HEPACAM: variants seen among roughly 807,000 people sequenced by gnomAD.
HEPACAM encodes hepatocyte cell adhesion molecule.
In HEPACAM, 18 loss-of-function variants were observed where a neutral mutation model predicts 38.3. That is an observed-to-expected ratio of 0.47 (90% CI 0.33 to 0.70). HEPACAM has a LOEUF of 0.70. Among genes scored for constraint, HEPACAM ranks in the 30% least tolerant of loss-of-function variants. The pLI is 0.03. For synonymous variants in HEPACAM, 216 were observed against 243.1 expected, an observed-to-expected ratio of 0.89 and a Z score of 1.04; for missense variants, 466 against 563.0, an observed-to-expected ratio of 0.83 and a Z score of 1.74.
intron 1 of HEPACAM, 47 bp from the exon 2 acceptor site, chr11:124,925,116 C>T (rs2135400358): frequency 6.9e-7 from 1 of 1,451,998 alleles, no homozygotes; most frequent in Non-Finnish European, 9.3e-7. Flanking sequence ...AGGCCCTGGG[C>T]TCCTTAGCCC....
intron 1 of HEPACAM, 36 bp from the exon 2 acceptor site, chr11:124,925,105 C>T (rs1489384958): frequency 1.3e-6 from 2 of 1,526,086 alleles, no homozygotes; most frequent in Non-Finnish European, 8.9e-7. Context: ...AGGGAAGCAT[C>T]AGGCCCTGGG....
In HEPACAM at chr11:124,924,046, G is replaced by A. The variant is rs1181467734; in HGVS notation, c.428-36C>T. The A allele has an allele frequency of 1.3e-6, 2 of 1,580,736 alleles. No homozygotes were observed. Among genetic ancestry groups the A allele is most frequent in the Non-Finnish European group, 1.7e-6 (2 of 1,168,034 alleles). ...GGAATGGGGGAGCCTGTAAGTCATT[G>A]GCTAAGAAGTGTCTCCCTTCCCCTT... On this transcript the variant is annotated intron_variant, in intron 2 of 6. Coordinates refer to ENST00000298251, the MANE Select transcript of HEPACAM (RefSeq NM_152722.5). This position sits in a 1 kb window ranked among gnomAD's most constrained non-coding sequence, Gnocchi z 4.4.
chr11:124,920,134 G>A lies in HEPACAM; in HGVS notation c.*1004C>T. 1 of 1,174,548 alleles carries A rather than the reference G, an allele frequency of 8.5e-7. No homozygotes were observed. The allele number at this position is 1,174,548 out of a possible 1,614,324, so 72.8% of individuals were successfully genotyped here. A position where few individuals can be genotyped will look rare whatever the true frequency, so the allele number is the denominator to read the frequency against. ...CCCCCCAAATGCTGGGAAGCAATAA[G>A]CCTCCTCCTCCCCCCACCATTTCTC... On this transcript the variant is annotated 3_prime_UTR_variant, in exon 7 of 7. Coordinates refer to ENST00000298251, the MANE Select transcript of HEPACAM (RefSeq NM_152722.5).
intron 1 of HEPACAM, among the ~76,000 whole-genome samples, chr11:124,925,553 A>G (rs868649132): frequency 3.3e-5 from 5 of 152,176 alleles, no homozygotes; most frequent in Middle Eastern, 3.2e-3. Flanking sequence ...GGAGATGGAG[A>G]AAGCATGGAA....
At chr11:124,922,867 A>G (rs1289896609) in intron 4 of HEPACAM, 49 bp from the exon 5 acceptor site, 1 of 1,591,104 alleles carries the variant, frequency 6.3e-7, no homozygotes, top group Non-Finnish European at 8.6e-7. Flanking sequence ...GAATGTGAGT[A>G]GAAGATCCAG....
rs768046807 is a variant in HEPACAM at position 124,921,192 on chromosome 11, G to C, written c.1197C>G (p.Gly399=). 11 of 1,519,840 alleles carry C rather than the reference G, an allele frequency of 7.2e-6. No individual in the cohort carries two copies. The African/African-American group carries it at 1.6e-4, about 22-fold the overall frequency. 94.1% of individuals were successfully genotyped at this position (1,519,840 alleles called of 1,614,324 possible). A position where few individuals can be genotyped will look rare whatever the true frequency, so the allele number is the denominator to read the frequency against. ...RSASRTLRTA[G]VHIIREQDEA... is the part of the protein sequence containing the mutation. Reference sequence around the variant, plus strand: ...CGTCTTGCTCGCGGATTATGTGCACGCCCGCAGTCCGCAGTGTGCGCGAGG... The same window carrying C: ...CGTCTTGCTCGCGGATTATGTGCACCCCCGCAGTCCGCAGTGTGCGCGAGG... The change falls in exon 7 of 7, where the codon GGC becomes GGG. Residue 399 remains glycine, a synonymous_variant. Transcript: ENST00000298251. The surrounding 1 kb of genome is among the most constrained non-coding windows in gnomAD (Gnocchi z 4.6).
rs936776766 is a variant in HEPACAM at position 124,920,283 on chromosome 11, C to T, written c.*855G>A. 2.0e-5 allele frequency: 21 copies of T among 1,066,498 alleles called. No homozygotes were observed. The highest frequency in any genetic ancestry group is 2.6e-5 in the Non-Finnish European group (19 of 738,306). The allele number at this position is 1,066,498 out of a possible 1,614,324, so 66.1% of individuals were successfully genotyped here. On this transcript the variant is annotated 3_prime_UTR_variant, in exon 7 of 7. Coordinates refer to ENST00000298251, the MANE Select transcript of HEPACAM (RefSeq NM_152722.5). ...AATATATGAGTTTGATGAGCTAAAA[C>T]AGTTCCTCATTTGGTCTAGTTTTCG...
chr11:124,920,497 C>G lies in HEPACAM; in HGVS notation c.*641G>C, dbSNP rs1410827481. ...CCAGGTCAGAGGGAAAAGGAATGTA[C>G]TCGTACCCTTCCCTCACCACCTTGT... On this transcript the variant is annotated 3_prime_UTR_variant, in exon 7 of 7. Coordinates refer to ENST00000298251, the MANE Select transcript of HEPACAM (RefSeq NM_152722.5). 6 of 1,504,514 alleles carry G rather than the reference C, an allele frequency of 4.0e-6. No individual in the cohort carries two copies. The highest frequency in any genetic ancestry group is 4.2e-5 in the Admixed American group (2 of 47,832). The allele number at this position is 1,504,514 out of a possible 1,614,324, so 93.2% of individuals were successfully genotyped here. A position where few individuals can be genotyped will look rare whatever the true frequency, so the allele number is the denominator to read the frequency against.
chr11:124,934,657 C>T, intron 1 of HEPACAM, among the ~76,000 whole-genome samples: 1 of 151,732 alleles, frequency 6.6e-6, no homozygotes, highest in South Asian at 2.1e-4. Flanking sequence ...ACCTCGATCT[C>T]CCACTTCTGG....
In HEPACAM at chr11:124,924,968, C is replaced by A. The variant is rs772313117; in HGVS notation, c.187G>T (p.Asp63Tyr). 1 of 1,613,994 alleles carries A rather than the reference C, an allele frequency of 6.2e-7. No individual in the cohort carries two copies. The highest frequency in any genetic ancestry group is 1.3e-5 in the African/African-American group (1 of 74,924). The stretch of plus-strand genomic sequence containing the variant: ...AGCTGCCACTTCACTACAGGCCTGT[C>A]GCTGCTGGTACTGCTGTACTGCACA... ...LSVQYSSTSS[D>Y]RPVVKWQLKR... Residue 63 changes from aspartate (D) to tyrosine (Y), a missense_variant, in exon 2 of 7, where the codon GAC (aspartate) becomes TAC (tyrosine). Transcript: ENST00000298251. This position sits in a 1 kb window ranked among gnomAD's most constrained non-coding sequence, Gnocchi z 4.4.
Position 124,920,992 on chromosome 11 carries a change from T to A in HEPACAM, c.*146A>T. On this transcript the variant is annotated 3_prime_UTR_variant, in exon 7 of 7. Coordinates refer to ENST00000298251, the MANE Select transcript of HEPACAM (RefSeq NM_152722.5). The stretch of plus-strand genomic sequence containing the variant: ...CGCACCCGCCTCCGTCTGCGCATGC[T>A]CATACACGTTCACACCCGAGACACC... 7.2e-7 allele frequency: 1 copy of A among 1,384,518 alleles called. No homozygotes were observed. The highest frequency in any genetic ancestry group is 9.3e-7 in the Non-Finnish European group (1 of 1,073,648). The allele number at this position is 1,384,518 out of a possible 1,614,324, so 85.8% of individuals were successfully genotyped here. A position where few individuals can be genotyped will look rare whatever the true frequency, so the allele number is the denominator to read the frequency against.
intron 5 of HEPACAM, 22 bp from the exon 6 acceptor site, chr11:124,922,480 G>C: frequency 1.2e-6 from 2 of 1,613,750 alleles, no homozygotes; most frequent in Non-Finnish European, 1.7e-6. Flanking sequence ...AGAGAAGCGG[G>C]TGGCTGGCCC....
chr11:124,927,043 G>T (rs1947221751), intron 1 of HEPACAM, among the ~76,000 whole-genome samples: 1 of 151,874 alleles, frequency 6.6e-6, no homozygotes, highest in Non-Finnish European at 1.5e-5. Context: ...CAATTTTTTT[G>T]TATTTTTTAG....
At chr11:124,926,556 T>A (rs1392385666) in intron 1 of HEPACAM, among the ~76,000 whole-genome samples, 1 of 152,170 alleles carries the variant, frequency 6.6e-6, no homozygotes, top group Non-Finnish European at 1.5e-5. Flanking sequence ...CCTGGCCTTG[T>A]AGAGCAATCC....
chr11:124,920,198 A>C lies in HEPACAM; in HGVS notation c.*940T>G, dbSNP rs531979292. ...TTATTCTCACAGCTGGAGGAAGCTC[A>C]ACAACTTTCCTGAGGACAATGATTG... On this transcript the variant is annotated 3_prime_UTR_variant, in exon 7 of 7. Transcript: ENST00000298251. 9.0e-6 allele frequency: 8 copies of C among 888,084 alleles called. No homozygotes were observed. In the African/African-American group the frequency reaches 1.0e-4, roughly 11 times the overall value. The allele number at this position is 888,084 out of a possible 1,614,324, so 55.0% of individuals were successfully genotyped here.
At chr11:124,923,159 T>C (rs914665184) in intron 4 of HEPACAM, among the ~76,000 whole-genome samples, 181 bp downstream of exon 4, 2 of 152,092 alleles carry the variant, frequency 1.3e-5, no homozygotes, top group African/African-American at 4.8e-5. Context: ...TTGTTACTGG[T>C]GCTGGGGTTG....
rs12272671 is a variant in HEPACAM, at chr11:124,925,262, T to G, written c.86-193A>C. Among the ~76,000 whole-genome samples the G allele has an allele frequency of 0.018, 2,695 of 152,328 alleles. 91 individuals are homozygous for G. Among genetic ancestry groups the G allele is most frequent in the African/African-American group, 0.06 (2,513 of 41,562 alleles). The stretch of plus-strand genomic sequence containing the variant: ...TCTGTGCACTTCTGCCCCTTTGTTC[T>G]CTCTCACAGCCATCTCATGGCCTTC... On this transcript the variant is annotated intron_variant, in intron 1 of 6. Coordinates refer to ENST00000298251, the MANE Select transcript of HEPACAM (RefSeq NM_152722.5).
At position 124,920,983 on chromosome 11, in the gene HEPACAM, T is replaced by G; in HGVS notation, c.*155A>C. On this transcript the variant is annotated 3_prime_UTR_variant, in exon 7 of 7. Transcript: ENST00000298251. ...CCGCCTCCGCGCACCCGCCTCCGTC[T>G]GCGCATGCTCATACACGTTCACACC... 1.5e-6 allele frequency: 2 copies of G among 1,363,984 alleles called. No individual in the cohort carries two copies. Among genetic ancestry groups the G allele is most frequent in the Non-Finnish European group, 1.9e-6 (2 of 1,061,636 alleles). The allele number at this position is 1,363,984 out of a possible 1,614,324, so 84.5% of individuals were successfully genotyped here. A position where few individuals can be genotyped will look rare whatever the true frequency, so the allele number is the denominator to read the frequency against.
Position 124,919,689 on chromosome 11 carries a change from G to T in HEPACAM, c.*1449C>A. 1 of 1,578,844 alleles carries T rather than the reference G, an allele frequency of 6.3e-7. No individual in the cohort carries two copies. The highest frequency in any genetic ancestry group is 1.7e-5 in the Admixed American group (1 of 58,724). The stretch of plus-strand genomic sequence containing the variant: ...CATGCTGTGGGGTTCAGGGCAGAGG[G>T]GGCAAACTAGAAATGTCAGTGCCTT... On this transcript the variant is annotated 3_prime_UTR_variant, in exon 7 of 7. Coordinates refer to ENST00000298251, the MANE Select transcript of HEPACAM (RefSeq NM_152722.5).
Sources: allele counts gnomAD v4.1 joint callset (sites outside exome capture counted in the v4.1 genomes callset), GRCh38; gene constraint gnomAD v4.1.1; non-coding constraint Gnocchi (gnomAD v3.1); transcripts MANE v1.5; gene names NCBI Gene and HGNC (gene_info 2026-07-23, HGNC 2026-07-21).